Variants in AOX1 observed in about 807,000 individuals in gnomAD.
AOX1 encodes the protein aldehyde oxidase 1.
In AOX1, 153 loss-of-function variants were observed where a neutral mutation model predicts 169.5. The observed-to-expected ratio is 0.90, with a 90% confidence interval of 0.79 to 1.03. The LOEUF is 1.03. Among genes scored for constraint, AOX1 ranks in the 50% least tolerant of loss-of-function variants. The probability of loss-of-function intolerance (pLI) is 0.00; values close to 1 mark genes in which losing one functional copy is unlikely to be tolerated. For synonymous variants in AOX1, 562 were observed against 581.9 expected (o/e 0.97, Z 0.49); for missense variants, 1,656 against 1,663.9 (o/e 1.00, Z 0.08).
chr2:200,650,874 C>A, intron 25 of AOX1, 100 bp from the exon 26 acceptor site: 1 of 1,075,092 alleles, frequency 9.3e-7, no homozygotes, highest in Non-Finnish European at 1.4e-6. Flanking sequence ...TTGGCTTGGA[C>A]CTTACAGGAT....
chr2:200,600,653 C>T (rs2034395210), intron 5 of AOX1, among the ~76,000 whole-genome samples: 1 of 152,120 alleles, frequency 6.6e-6, no homozygotes, highest in South Asian at 2.1e-4. Context: ...ACTTACTCTG[C>T]AAAAATGTTC....
At position 200,620,198 on chromosome 2, in the gene AOX1, A is replaced by AGTTTTTTTTTTTTTTTTTTTT. The variant is rs370920216; in HGVS notation, c.1705-452_1705-451insGTTTTTTTTTTTTTTTTTTTT. Among the ~76,000 whole-genome samples, 9 of 120,912 alleles carry AGTTTTTTTTTTTTTTTTTTTT rather than the reference A, an allele frequency of 7.4e-5. 1 individual carries two copies. The highest frequency in any genetic ancestry group is 1.2e-4 in the Non-Finnish European group (7 of 59,374). The allele number at this position is 120,912 out of a possible 152,430, so 79.3% of individuals were successfully genotyped here. On this transcript the variant is annotated intron_variant, in intron 16 of 34. Coordinates refer to ENST00000374700, the MANE Select transcript of AOX1 (RefSeq NM_001159.4). ...TATTGTCTTGGTGTTATTAATAGTG[A>AGTTTTTTTTTTTTTTTTTTTT]CTTTTTTTTTTTTTTTTTTTGATGG...
intron 30 of AOX1, among the ~76,000 whole-genome samples, chr2:200,662,096 G>A (rs540963908): frequency 2.6e-5 from 4 of 152,238 alleles, no homozygotes; most frequent in Admixed American, 6.5e-5. Context: ...CAGGAACTCA[G>A]TGAATCTGGA....
intron 20 of AOX1, among the ~76,000 whole-genome samples, chr2:200,633,767 T>C (rs2035174901): frequency 6.6e-6 from 1 of 152,260 alleles, no homozygotes; most frequent in Non-Finnish European, 1.5e-5. Context: ...TGATATTTGA[T>C]TGTATCCTAG....
chr2:200,637,499 AT>A (rs2035259970), intron 22 of AOX1, among the ~76,000 whole-genome samples: 1 of 152,160 alleles, frequency 6.6e-6, no homozygotes, highest in African/African-American at 2.4e-5. Context: ...ATATATGTAC[AT>A]TCTTCAATAT....
Position 200,637,034 on chromosome 2 carries a change from G to A in AOX1, c.2470G>A (p.Ala824Thr), listed in dbSNP as rs1273628909. Residue 824 changes from alanine to threonine, a missense_variant, in exon 22 of 35, where the codon GCC (alanine) becomes ACC (threonine). Transcript: ENST00000374700. ...AATCATTGCAGCCGTCACTGCATTT[G>A]CCGCAAACAAGTAAGTGGAGAAAAT... ...TGIIAAVTAF[A>T]ANKHGRAVRC... The A allele has an allele frequency of 1.9e-6, 3 of 1,613,980 alleles. No individual in the cohort carries two copies. The highest frequency in any genetic ancestry group is 2.5e-6 in the Non-Finnish European group (3 of 1,179,956).
chr2:200,634,911 T>C lies in AOX1; in HGVS notation c.2342T>C (p.Ile781Thr). The C allele has an allele frequency of 6.2e-7, 1 of 1,613,952 alleles. No individual in the cohort carries two copies. The highest frequency in any genetic ancestry group is 1.1e-5 in the South Asian group (1 of 91,080). ...VYVSTQFPKY[I>T]QDIVASTLKL... ...GTGTCCACACAGTTTCCCAAATATA[T>C]ACAGGTAACATGGGGCCATTGTGGA... Residue 781 changes from isoleucine to threonine, a missense_variant, in exon 21 of 35, where the codon ATA becomes ACA. Physicochemically the swap from Ile to Thr is moderately conservative, Grantham distance 89. Coordinates refer to ENST00000374700, the MANE Select transcript of AOX1 (RefSeq NM_001159.4).
intron 2 of AOX1, among the ~76,000 whole-genome samples, chr2:200,593,609 A>G (rs1041528095): frequency 6.6e-6 from 1 of 152,244 alleles, no homozygotes; most frequent in Non-Finnish European, 1.5e-5. Flanking sequence ...TGAAAATGTT[A>G]TCCTAGAAAA....
Position 200,613,952 on chromosome 2 carries a change from A to G in AOX1, c.1597A>G (p.Ile533Val), listed in dbSNP as rs1415133711. The G allele has an allele frequency of 6.2e-7, 1 of 1,612,196 alleles. No homozygotes were observed. Among genetic ancestry groups the G allele is most frequent in the Non-Finnish European group, 8.5e-7 (1 of 1,179,928 alleles). The change falls in exon 15 of 35, where the codon ATT (isoleucine) becomes GTT (valine). Residue 533 changes from isoleucine (I) to valine (V), a missense_variant. Physicochemically the swap from Ile to Val is conservative, Grantham distance 29 (BLOSUM62 3). Coordinates refer to ENST00000374700, the MANE Select transcript of AOX1 (RefSeq NM_001159.4). ...CAAGTTCTACCTGGAAGTGTCACAG[A>G]TTTTGAAAAAGATGGTAAACAACTG... is the stretch of plus-strand genomic sequence containing the variant. ...LFKFYLEVSQ[I>V]LKKMDPVHYP...
At chr2:200,600,465 G>T (rs1298631818) in intron 5 of AOX1, among the ~76,000 whole-genome samples, 1 of 98,908 alleles carries the variant, frequency 1.0e-5, no homozygotes, top group Non-Finnish European at 2.2e-5. Flanking sequence ...GGAGCTCAGT[G>T]TGTATGTGGC....
chr2:200,661,669 C>T (rs758845978), intron 30 of AOX1, 38 bp downstream of exon 30: 8 of 1,513,228 alleles, frequency 5.3e-6, no homozygotes, highest in Non-Finnish European at 6.4e-6. Context: ...TGGAGAAGAA[C>T]AGTGGTATCT....
At position 200,613,027 on chromosome 2, in the gene AOX1, T is replaced by TGTGAGA. The variant is rs112472592; in HGVS notation, c.1448+235_1448+236insTGAGAG. ...GCGTGTGTGTGTGTGTGTGTGTGTGTGAGAGAGAGAGAGAGAGACAGACAG... is the reference window on the plus strand; with the variant it reads ...GCGTGTGTGTGTGTGTGTGTGTGTGTGTGAGAGAGAGAGAGAGAGAGAGACAGACAG... On this transcript the variant is annotated intron_variant, in intron 14 of 34. Coordinates refer to ENST00000374700, the MANE Select transcript of AOX1 (RefSeq NM_001159.4). 8.3e-4 allele frequency among the ~76,000 whole-genome samples: 122 copies of TGTGAGA among 146,210 alleles called. 2 individuals carry two copies. The highest frequency in any genetic ancestry group is 2.8e-3 in the African/African-American group (111 of 39,192).
intron 20 of AOX1, among the ~76,000 whole-genome samples, chr2:200,634,040 G>A (rs1035919555): frequency 6.6e-6 from 1 of 152,110 alleles, no homozygotes; most frequent in Non-Finnish European, 1.5e-5. Context: ...CACAGTAGGG[G>A]TGGGGCTGCA....
chr2:200,632,548 A>C (rs906256521), intron 20 of AOX1, among the ~76,000 whole-genome samples: 5 of 152,024 alleles, frequency 3.3e-5, no homozygotes, highest in Admixed American at 2.6e-4. Flanking sequence ...ACCCAAGAGG[A>C]GAAAGAAAGT....
chr2:200,620,272 C>T (rs1437378103), intron 16 of AOX1, among the ~76,000 whole-genome samples: 2 of 150,010 alleles, frequency 1.3e-5, no homozygotes, highest in South Asian at 2.1e-4. Context: ...GATCTTGGCT[C>T]GCTGCAACCT....
rs1391263206 is a variant in AOX1, at chr2:200,604,057, T to C, written c.629T>C (p.Leu210Ser). ...TTCGCAGAAGAGGAGTTTCTGCCAT[T>C]GGATCCAACCCAGGAACTGATATTT... Reference protein sequence around the residue: ...KLFAEEEFLPLDPTQELIFPP... With the variant: ...KLFAEEEFLPSDPTQELIFPP... The change falls in exon 8 of 35, where the codon TTG (leucine) becomes TCG (serine). Residue 210 changes from leucine (L) to serine (S), a missense_variant. Coordinates refer to ENST00000374700, the MANE Select transcript of AOX1 (RefSeq NM_001159.4). 6 of 1,613,708 alleles carry C rather than the reference T, an allele frequency of 3.7e-6. No individual in the cohort carries two copies. The highest frequency in any genetic ancestry group is 4.2e-6 in the Non-Finnish European group (5 of 1,179,608).
chr2:200,607,909 T>C (rs1331275983), intron 10 of AOX1, among the ~76,000 whole-genome samples: 1 of 151,498 alleles, frequency 6.6e-6, no homozygotes, highest in Non-Finnish European at 1.5e-5. Flanking sequence ...TAAGTGGGAG[T>C]TGAACAATGA....
intron 20 of AOX1, among the ~76,000 whole-genome samples, chr2:200,628,008 CTGTA>C (rs1046694644): frequency 6.6e-6 from 1 of 152,096 alleles, no homozygotes; most frequent in Admixed American, 6.5e-5. Flanking sequence ...GACTTCTTTG[CTGTA>C]TGTATGTATG....
In AOX1 at chr2:200,593,148, G is replaced by A. The variant is rs768435527; in HGVS notation, c.48G>A (p.Val16=). Reference sequence around the variant, plus strand: ...CTCTTATTTTCCCTTTGGTATAGGTGATAGAAAAAAATGTCGATCCTGAAA... The same window carrying A: ...CTCTTATTTTCCCTTTGGTATAGGTAATAGAAAAAAATGTCGATCCTGAAA... ...ELLFYVNGRK[V]IEKNVDPETM... is the part of the protein sequence containing the mutation. Residue 16 remains valine, a splice_region_variant and synonymous_variant, in exon 2 of 35, where the codon GTG becomes GTA. Transcript: ENST00000374700. 2 of 1,612,758 alleles carry A rather than the reference G, an allele frequency of 1.2e-6. No homozygotes were observed. Among genetic ancestry groups the A allele is most frequent in the South Asian group, 1.1e-5 (1 of 91,034 alleles).
Sources: allele counts gnomAD v4.1 joint callset (sites outside exome capture counted in the v4.1 genomes callset), GRCh38; gene constraint gnomAD v4.1.1; transcripts MANE v1.5; gene names NCBI Gene and HGNC (gene_info 2026-07-23, HGNC 2026-07-21).